TRPM2: variants seen among roughly 807,000 people sequenced by gnomAD.
TRPM2 encodes estrogen-responsive element-associated gene 1 protein.
A neutral mutation model predicts 174.0 loss-of-function variants in TRPM2; 161 were observed. The observed-to-expected ratio is 0.93, with a 90% CI of 0.81 to 1.05. The LOEUF is 1.05. TRPM2 is among the 50% of genes least tolerant of loss of function. The pLI, the probability that TRPM2 is intolerant of heterozygous loss-of-function variation, is 0.00. For synonymous variants in TRPM2, 954 were observed against 861.3 expected, an observed-to-expected ratio of 1.11 and a Z score of -1.88; for missense variants, 2,057 against 2,038.0, an observed-to-expected ratio of 1.01 and a Z score of -0.18.
At position 44,401,774 on chromosome 21, in the gene TRPM2, C is replaced by G; in HGVS notation, c.2415C>G (p.Ser805=). 6.2e-7 allele frequency: 1 copy of G among 1,613,764 alleles called. No individual in the cohort carries two copies. Among genetic ancestry groups the G allele is most frequent in the South Asian group, 1.1e-5 (1 of 91,092 alleles). Residue 805 remains serine (S), a synonymous_variant, in exon 16 of 32, where the codon TCC becomes TCG. Transcript: ENST00000397928. ...PVVVFHLNIL[S]YFAFLCLFAY... is the part of the protein sequence containing the mutation. ...TGGTCTTCCACCTGAACATCCTCTC[C>G]TACTTCGCCTTCCTCTGCCTGTTCG...
At chr21:44,355,354 G>T (rs111831273) in intron 2 of TRPM2, among the ~76,000 whole-genome samples, 2 of 152,252 alleles carry the variant, frequency 1.3e-5, no homozygotes, top group Non-Finnish European at 2.9e-5. Context: ...CACGGACAGA[G>T]TGTTGATTCA....
intron 15 of TRPM2, 104 bp from the exon 16 acceptor site, chr21:44,401,577 C>T (rs1247914744): frequency 1.6e-5 from 20 of 1,221,122 alleles, no homozygotes; most frequent in African/African-American, 4.5e-5. Context: ...TCTAAAAGCA[C>T]ATCTCTCTGA....
At chr21:44,441,151 G>C (rs1014410462) in intron 31 of TRPM2, among the ~76,000 whole-genome samples, 1 of 152,198 alleles carries the variant, frequency 6.6e-6, no homozygotes, top group East Asian at 1.9e-4. Flanking sequence ...GAGGCTACAG[G>C]GTCAGAGTCT....
intron 23 of TRPM2, among the ~76,000 whole-genome samples, chr21:44,424,559 C>A (rs1251575856): frequency 6.6e-6 from 1 of 152,220 alleles, no homozygotes; most frequent in African/African-American, 2.4e-5. Flanking sequence ...CTGGCTCCAT[C>A]CTCTGGCTTG....
At chr21:44,436,520 C>T (rs1476557814) in intron 28 of TRPM2, among the ~76,000 whole-genome samples, 4 of 144,120 alleles carry the variant, frequency 2.8e-5, no homozygotes, top group African/African-American at 7.8e-5. Flanking sequence ...CCCCGGGCTG[C>T]ACTCTGCACC....
chr21:44,418,820 G>A lies in TRPM2; in HGVS notation c.3461+265G>A, dbSNP rs1003971782. Among the ~76,000 whole-genome samples the A allele has an allele frequency of 2.0e-5, 3 of 152,226 alleles. No homozygotes were observed. The East Asian group carries it at 5.8e-4, about 29-fold the overall frequency. On this transcript the variant is annotated intron_variant, in intron 22 of 31. Coordinates refer to ENST00000397928, the MANE Select transcript of TRPM2 (RefSeq NM_003307.4). Reference sequence around the variant, plus strand: ...GGGAGGGAAGCCTTGGCGGCTGGGGGAGGGGCAGGTTGGCCCGCAGGATCC... The same window carrying A: ...GGGAGGGAAGCCTTGGCGGCTGGGGAAGGGGCAGGTTGGCCCGCAGGATCC...
At chr21:44,392,837 C>G (rs1359400903) in intron 11 of TRPM2, among the ~76,000 whole-genome samples, 3 of 152,146 alleles carry the variant, frequency 2.0e-5, no homozygotes, top group South Asian at 2.1e-4. Flanking sequence ...CTGGTTTTTT[C>G]CGACAGTCAG....
At chr21:44,359,530 C>G (rs1158434806) in intron 2 of TRPM2, among the ~76,000 whole-genome samples, 1 of 151,168 alleles carries the variant, frequency 6.6e-6, no homozygotes, top group Non-Finnish European at 1.5e-5. Context: ...TTTCCTTTCT[C>G]ACTGCTCAGT....
rs746835976 is a variant in TRPM2, at chr21:44,397,894, C to T, written c.2062+18C>T. 82 of 1,576,634 alleles carry T rather than the reference C, an allele frequency of 5.2e-5. No individual in the cohort carries two copies. The highest frequency in any genetic ancestry group is 3.5e-4 in the Middle Eastern group (2 of 5,736). On this transcript the variant is annotated intron_variant, in intron 13 of 31. Coordinates refer to ENST00000397928, the MANE Select transcript of TRPM2 (RefSeq NM_003307.4). Reference sequence around the variant, plus strand: ...AGCCATCGGTGAGCTCTGCCGGGCACGGGCTGCAGGCCATGGCTCAGCCGT... The same window carrying T: ...AGCCATCGGTGAGCTCTGCCGGGCATGGGCTGCAGGCCATGGCTCAGCCGT...
intron 12 of TRPM2, among the ~76,000 whole-genome samples, chr21:44,397,042 A>ATT (rs111984257): frequency 1.4e-5 from 2 of 143,012 alleles, no homozygotes; most frequent in Non-Finnish European, 1.5e-5. Flanking sequence ...CAGGAAAGGA[A>ATT]TTTTTTTTTT....
In TRPM2 at chr21:44,436,996, G is replaced by A. The variant is rs564859459; in HGVS notation, c.4062-66G>A. The A allele has an allele frequency of 3.7e-4, 541 of 1,448,108 alleles. 5 individuals are homozygous for A. In the South Asian group the frequency reaches 6.1e-3, roughly 16 times the overall value. The allele number at this position is 1,448,108 out of a possible 1,614,324, so 89.7% of individuals were successfully genotyped here. ...CCCCGCCCCAGGCAGGGCCAGCCCC[G>A]CCGCGGCGCAGGGGAGGGTGGAGGC... On this transcript the variant is annotated intron_variant, in intron 28 of 31. Coordinates refer to ENST00000397928, the MANE Select transcript of TRPM2 (RefSeq NM_003307.4).
At chr21:44,408,573 G>A (rs769086715) in intron 19 of TRPM2, among the ~76,000 whole-genome samples, 9 of 150,890 alleles carry the variant, frequency 6.0e-5, no homozygotes, top group Admixed American at 2.0e-4. Context: ...CTAAGGACCC[G>A]CCATGCTGAG....
intron 27 of TRPM2, among the ~76,000 whole-genome samples, chr21:44,433,194 C>T (rs758259668): frequency 5.3e-5 from 8 of 152,204 alleles, no homozygotes; most frequent in East Asian, 1.9e-4. Context: ...CCTAACCTCC[C>T]TCCTGGCTCT....
At chr21:44,353,904 C>T in intron 1 of TRPM2, 39 bp downstream of exon 1, 2 of 1,581,302 alleles carry the variant, frequency 1.3e-6, no homozygotes, top group South Asian at 1.2e-5. Context: ...TGGCACGTGG[C>T]CACGGAGGTC....
intron 13 of TRPM2, among the ~76,000 whole-genome samples, chr21:44,398,673 G>T (rs45609432): frequency 6.6e-6 from 1 of 152,084 alleles, no homozygotes; most frequent in Non-Finnish European, 1.5e-5. Flanking sequence ...CTGTTTCTGC[G>T]TGTGGTCACA....
Position 44,375,911 on chromosome 21 carries a change from T to C in TRPM2, c.850T>C (p.Phe284Leu). 1 of 1,614,092 alleles carries C rather than the reference T, an allele frequency of 6.2e-7. No homozygotes were observed. The highest frequency in any genetic ancestry group is 8.5e-7 in the Non-Finnish European group (1 of 1,180,004). Residue 284 changes from phenylalanine (F) to leucine (L), a missense_variant, in exon 6 of 32, where the codon TTC becomes CTC. Phe to Leu is a conservative substitution (Grantham distance 22). Coordinates refer to ENST00000397928, the MANE Select transcript of TRPM2 (RefSeq NM_003307.4). The stretch of plus-strand genomic sequence containing the variant: ...CTGCCTAGACAGCAACCACTCTCAC[T>C]TCATCCTCGTGGACGACGGGACCCA... ...LTCLDSNHSHFILVDDGTHGQ... is the reference protein window; with the variant it reads ...LTCLDSNHSHLILVDDGTHGQ...
chr21:44,406,952 C>A (rs186018461), intron 19 of TRPM2, among the ~76,000 whole-genome samples, 187 bp downstream of exon 19: 12 of 150,154 alleles, frequency 8.0e-5, no homozygotes, highest in South Asian at 2.1e-4. Flanking sequence ...AGGGGCCCCA[C>A]CAGGGGAGGG....
chr21:44,427,636 G>C (rs571051127), intron 27 of TRPM2, among the ~76,000 whole-genome samples: 1 of 152,346 alleles, frequency 6.6e-6, no homozygotes, highest in East Asian at 1.9e-4. Context: ...ACCCTGCCAT[G>C]AGGAGGAGGT....
At position 44,413,950 on chromosome 21, in the gene TRPM2, T is replaced by C. The variant is rs1482862349; in HGVS notation, c.3022T>C (p.Cys1008Arg). The C allele has an allele frequency of 6.2e-7, 1 of 1,614,006 alleles. No homozygotes were observed. Among genetic ancestry groups the C allele is most frequent in the Non-Finnish European group, 8.5e-7 (1 of 1,180,018 alleles). The change falls in exon 20 of 32, where the codon TGC (cysteine) becomes CGC (arginine). Residue 1008 changes from cysteine (C) to arginine (R), a missense_variant. Coordinates refer to ENST00000397928, the MANE Select transcript of TRPM2 (RefSeq NM_003307.4). ...PNGTDPYKPKCPESDATQQRP... is the reference protein window; with the variant it reads ...PNGTDPYKPKRPESDATQQRP... Reference sequence around the variant, plus strand: ...TGGCACCGACCCCTACAAGCCTAAGTGCCCCGAGAGCGACGCGACGCAGCA... The same window carrying C: ...TGGCACCGACCCCTACAAGCCTAAGCGCCCCGAGAGCGACGCGACGCAGCA...
Sources: gnomAD v4.1 joint callset for allele counts (sites outside exome capture counted in the v4.1 genomes callset) on GRCh38, gnomAD v4.1.1 for gene constraint, MANE v1.5 for transcripts, NCBI Gene and HGNC (gene_info 2026-07-23, HGNC 2026-07-21) for gene names.